The following HMCN1 variants were observed in gnomAD, a reference collection of about 807,000 sequenced individuals.
The protein encoded by HMCN1 is hemicentin 1.
HMCN1 carries 321 observed loss-of-function variants against 625.9 expected under a neutral mutation model. The observed-to-expected ratio is 0.51, with a 90% CI of 0.47 to 0.56. The LOEUF (loss-of-function observed/expected upper bound fraction) is 0.56, where lower values mean the gene tolerates loss of function less well. Ranked by LOEUF, HMCN1 falls within the 20% of genes least tolerant of loss-of-function variation. The pLI, the probability that HMCN1 is intolerant of heterozygous loss-of-function variation, is 0.00. For synonymous variants in HMCN1, 2,425 were observed against 2,417.6 expected (o/e 1.00, Z -0.09); for missense variants, 6,588 against 6,887.3 (o/e 0.96, Z 1.54).
At chr1:185,802,547 C>A (rs192670219) in intron 1 of HMCN1, among the ~76,000 whole-genome samples, 10 of 152,014 alleles carry the variant, frequency 6.6e-5, no homozygotes, top group Admixed American at 4.6e-4. Flanking sequence ...ACTGAAAGAC[C>A]CAGAATCAAG....
chr1:186,091,597 G>C (rs141362259), intron 64 of HMCN1, among the ~76,000 whole-genome samples: 150 of 152,078 alleles, frequency 9.9e-4, no homozygotes, highest in African/African-American at 3.4e-3. Context: ...AAACCACATA[G>C]AGATGGAATA....
intron 1 of HMCN1, among the ~76,000 whole-genome samples, chr1:185,742,613 C>G (rs533168371): frequency 3.4e-4 from 52 of 152,144 alleles, no homozygotes; most frequent in African/African-American, 1.2e-3. Context: ...GGAAAAAGAG[C>G]CAAAAAGCTG....
chr1:186,057,623 T>C (rs1197911546), intron 46 of HMCN1, among the ~76,000 whole-genome samples: 1 of 151,940 alleles, frequency 6.6e-6, no homozygotes, highest in Non-Finnish European at 1.5e-5. Flanking sequence ...AAAACAAATC[T>C]TGGCACTCGC....
At chr1:186,114,242 G>A (rs912498047) in intron 73 of HMCN1, 119 bp downstream of exon 73, 44 of 1,032,198 alleles carry the variant, frequency 4.3e-5, no homozygotes, top group African/African-American at 3.2e-4. Context: ...ATCTTAATAC[G>A]AGAATCAAAA....
chr1:186,048,315 T>C (rs1656713341), intron 41 of HMCN1, among the ~76,000 whole-genome samples: 1 of 152,170 alleles, frequency 6.6e-6, no homozygotes, highest in Non-Finnish European at 1.5e-5. Context: ...AATACTTAGC[T>C]TAAAGAAGCT....
chr1:185,783,134 G>A (rs1657267574), intron 1 of HMCN1, among the ~76,000 whole-genome samples: 2 of 151,804 alleles, frequency 1.3e-5, no homozygotes, highest in South Asian at 2.1e-4. Flanking sequence ...CCAGTTCATC[G>A]AATCGGCTAC....
chr1:185,839,689 G>A (rs1249360122), intron 1 of HMCN1, among the ~76,000 whole-genome samples: 1 of 152,080 alleles, frequency 6.6e-6, no homozygotes, highest in African/African-American at 2.4e-5. Flanking sequence ...TTATTAAGGA[G>A]TTCTTCTTTG....
At chr1:185,796,626 CTG>C (rs150495815) in intron 1 of HMCN1, among the ~76,000 whole-genome samples, 8,890 of 148,048 alleles carry the variant, frequency 0.06, 750 homozygotes, top group African/African-American at 0.19. Flanking sequence ...GAGTTTGTGT[CTG>C]TGTGTGTGTG....
At chr1:185,803,188 C>CAAAAAAAAAAAAAAAACAAAAAA (rs1245942461) in intron 1 of HMCN1, among the ~76,000 whole-genome samples, 2 of 33,804 alleles carry the variant, frequency 5.9e-5, no homozygotes, top group African/African-American at 5.4e-5. Flanking sequence ...TTAGCAGAAC[C>CAAAAAAAAAAAAAAAACAAAAAA]AAAAAAAAAA....
chr1:186,048,867 A>T (rs373681051), intron 42 of HMCN1, 28 bp downstream of exon 42: 1 of 1,339,770 alleles, frequency 7.5e-7, no homozygotes, highest in Non-Finnish European at 1.1e-6. Context: ...TTGAAAGCAA[A>T]TAATGCAGCT....
At chr1:185,798,532 A>C (rs931258141) in intron 1 of HMCN1, among the ~76,000 whole-genome samples, 2 of 152,132 alleles carry the variant, frequency 1.3e-5, no homozygotes, top group African/African-American at 4.8e-5. Flanking sequence ...AACATTTTAC[A>C]TAATCCCATG....
Position 185,981,042 on chromosome 1 carries a change from G to A in HMCN1, c.2631G>A (p.Gln877=). The A allele has an allele frequency of 1.2e-6, 2 of 1,611,366 alleles. No homozygotes were observed. The highest frequency in any genetic ancestry group is 1.1e-5 in the South Asian group (1 of 91,054). ...CTGAAAACCAGTTTGGAAAGATCCA[G>A]TCAGAGACAACAGTAACAGTGACCG... ...CEAENQFGKI[Q]SETTVTVTGL... The change falls in exon 17 of 107, where the codon CAG becomes CAA. Residue 877 remains glutamine, a synonymous_variant. Transcript: ENST00000271588.
intron 6 of HMCN1, among the ~76,000 whole-genome samples, chr1:185,921,560 T>C (rs1221437932): frequency 6.6e-6 from 1 of 152,218 alleles, no homozygotes; most frequent in African/African-American, 2.4e-5. Context: ...CTGTCATTGC[T>C]ATAATACCTC....
At chr1:185,793,565 A>G (rs1422783336) in intron 1 of HMCN1, among the ~76,000 whole-genome samples, 1 of 152,188 alleles carries the variant, frequency 6.6e-6, no homozygotes, top group Non-Finnish European at 1.5e-5. Flanking sequence ...AGGGGTTAGG[A>G]TGTGGACATC....
At chr1:186,066,650 T>G (rs955109616) in intron 49 of HMCN1, among the ~76,000 whole-genome samples, 2 of 152,204 alleles carry the variant, frequency 1.3e-5, no homozygotes, top group East Asian at 3.8e-4. Context: ...CTTCCCTTTT[T>G]CTAGGTCCAG....
chr1:185,764,715 C>G (rs1047624085), intron 1 of HMCN1, among the ~76,000 whole-genome samples: 12 of 151,978 alleles, frequency 7.9e-5, no homozygotes, highest in African/African-American at 2.9e-4. Flanking sequence ...CTCCAGTGAT[C>G]TTAACATGAA....
At chr1:185,780,275 C>A (rs1269803996) in intron 1 of HMCN1, among the ~76,000 whole-genome samples, 1 of 152,170 alleles carries the variant, frequency 6.6e-6, no homozygotes, top group African/African-American at 2.4e-5. Flanking sequence ...TCTAAATATA[C>A]AATCATGTCA....
intron 1 of HMCN1, among the ~76,000 whole-genome samples, chr1:185,838,409 C>T (rs1661296031): frequency 6.6e-6 from 1 of 152,200 alleles, no homozygotes; most frequent in Non-Finnish European, 1.5e-5. Context: ...GGTTTGCCAC[C>T]TCCATGCCCC....
rs1489584859 is a variant in HMCN1 at position 186,120,068 on chromosome 1, A to G, written c.12152A>G (p.Glu4051Gly). Residue 4051 changes from glutamate to glycine, a missense_variant, in exon 80 of 107, where the codon GAG becomes GGG. This residue lies in a region of HMCN1 where 1,954 missense variants were observed against 2,013.1 expected (regional missense o/e 0.97). Coordinates refer to ENST00000271588, the MANE Select transcript of HMCN1 (RefSeq NM_031935.3). ...TTACAGATCTCCAGAGCTGTCCGAGAGGATGCTGGCACTTACATGTGTGTG... is the reference window on the plus strand; with the variant it reads ...TTACAGATCTCCAGAGCTGTCCGAGGGGATGCTGGCACTTACATGTGTGTG... ...GGLQISRAVR[E>G]DAGTYMCVAQ... The G allele has an allele frequency of 6.2e-7, 1 of 1,614,076 alleles. No homozygotes were observed.
Sources: gnomAD v4.1 joint callset for allele counts (sites outside exome capture counted in the v4.1 genomes callset) on GRCh38, gnomAD v4.1.1 for gene constraint, gnomAD v4.1.1 regional missense constraint, MANE v1.5 for transcripts, NCBI Gene and HGNC (gene_info 2026-07-23, HGNC 2026-07-21) for gene names.